Variants in SLC4A10 observed in about 807,000 individuals in gnomAD.
SLC4A10 encodes the protein solute carrier family 4 member 10.
A neutral mutation model predicts 137.7 loss-of-function variants in SLC4A10; 42 were observed. The observed-to-expected ratio is 0.30, with a 90% CI of 0.24 to 0.39. The LOEUF (loss-of-function observed/expected upper bound fraction) is 0.39, where lower values mean the gene tolerates loss of function less well. SLC4A10 is among the 10% of genes least tolerant of loss of function. The pLI is 1.00. For synonymous variants in SLC4A10, 474 were observed against 464.1 expected (o/e 1.02, Z -0.27); for missense variants, 925 against 1,355.0 (o/e 0.68, Z 4.98).
intron 1 of SLC4A10, among the ~76,000 whole-genome samples, chr2:161,660,556 ATTTCTTTCTTTC>A (rs574482342): frequency 0.043 from 4,702 of 110,324 alleles, 88 homozygotes; most frequent in Admixed American, 0.056. Context: ...ACTCATCTAT[ATTTCTTTCTTTC>A]TTTCTTTCTT....
At chr2:161,714,503 G>C (rs1424890003) in intron 1 of SLC4A10, among the ~76,000 whole-genome samples, 1 of 151,920 alleles carries the variant, frequency 6.6e-6, no homozygotes, top group Non-Finnish European at 1.5e-5. Context: ...ATTCCTCCAT[G>C]AAACTACTCT....
chr2:161,762,155 A>G (rs1574829537), intron 1 of SLC4A10, among the ~76,000 whole-genome samples: 2 of 152,130 alleles, frequency 1.3e-5, no homozygotes, highest in Admixed American at 6.6e-5. Context: ...GATTTATTGG[A>G]CTAACTTAGA....
At chr2:161,887,857 T>A (rs1437835394) in intron 10 of SLC4A10, among the ~76,000 whole-genome samples, 1 of 152,230 alleles carries the variant, frequency 6.6e-6, no homozygotes, top group African/African-American at 2.4e-5. Flanking sequence ...GCTTTTGGTG[T>A]TTTAGTCATG....
At chr2:161,918,928 A>T (rs1232935760) in intron 15 of SLC4A10, among the ~76,000 whole-genome samples, 1 of 152,190 alleles carries the variant, frequency 6.6e-6, no homozygotes, top group East Asian at 1.9e-4. Context: ...GTGCAACTGC[A>T]GCTGCCCAGC....
At chr2:161,769,647 C>A (rs1487276005) in intron 1 of SLC4A10, among the ~76,000 whole-genome samples, 1 of 151,864 alleles carries the variant, frequency 6.6e-6, no homozygotes, top group African/African-American at 2.4e-5. Flanking sequence ...AATTTTGCAT[C>A]ATTTTTAAAA....
chr2:161,705,409 A>G (rs2043549791), intron 1 of SLC4A10, among the ~76,000 whole-genome samples: 1 of 151,554 alleles, frequency 6.6e-6, no homozygotes, highest in Non-Finnish European at 1.5e-5. Context: ...AATGAGTAGT[A>G]ATTATTATAA....
chr2:161,718,461 C>T (rs1394100159), intron 1 of SLC4A10, among the ~76,000 whole-genome samples: 1 of 152,172 alleles, frequency 6.6e-6, no homozygotes, highest in African/African-American at 2.4e-5. Flanking sequence ...TCCCTCTTAA[C>T]ACTGCTTTAG....
At chr2:161,956,928 G>T (rs1695774728) in intron 19 of SLC4A10, 61 bp from the exon 20 acceptor site, 1 of 1,485,540 alleles carries the variant, frequency 6.7e-7, no homozygotes, top group Non-Finnish European at 8.9e-7. Flanking sequence ...TTCGCAATCA[G>T]GCCACCCTTA....
At chr2:161,936,340 G>A (rs888408489) in intron 15 of SLC4A10, among the ~76,000 whole-genome samples, 1 of 152,058 alleles carries the variant, frequency 6.6e-6, no homozygotes, top group African/African-American at 2.4e-5. Context: ...TTTTGAAAGA[G>A]TTTCAGAGGA....
At chr2:161,703,754 C>A (rs909484697) in intron 1 of SLC4A10, among the ~76,000 whole-genome samples, 1 of 151,772 alleles carries the variant, frequency 6.6e-6, no homozygotes, top group East Asian at 1.9e-4. Flanking sequence ...TTGCTGCAGT[C>A]ATTTGTATAT....
chr2:161,963,276 A>T (rs1376045699), intron 21 of SLC4A10, among the ~76,000 whole-genome samples: 1 of 152,164 alleles, frequency 6.6e-6, no homozygotes, highest in East Asian at 1.9e-4. Flanking sequence ...GTAACATAAT[A>T]GTATGAAGTA....
chr2:161,776,030 A>G (rs998579021), intron 2 of SLC4A10, among the ~76,000 whole-genome samples: 5 of 151,882 alleles, frequency 3.3e-5, no homozygotes, highest in Non-Finnish European at 5.9e-5. Context: ...AAATATTTTT[A>G]TGTAGATCAA....
At chr2:161,799,721 AG>A (rs2055173745) in intron 2 of SLC4A10, among the ~76,000 whole-genome samples, 1 of 151,956 alleles carries the variant, frequency 6.6e-6, no homozygotes, top group South Asian at 2.1e-4. Context: ...ATCTATTAGT[AG>A]GTCTTTAATA....
intron 4 of SLC4A10, among the ~76,000 whole-genome samples, chr2:161,844,387 C>G (rs1489416596): frequency 6.6e-6 from 1 of 152,062 alleles, no homozygotes; most frequent in Non-Finnish European, 1.5e-5. Context: ...TCTATAAACA[C>G]TAGGTTTGGA....
At chr2:161,668,813 T>A (rs2039377839) in intron 1 of SLC4A10, among the ~76,000 whole-genome samples, 1 of 151,932 alleles carries the variant, frequency 6.6e-6, no homozygotes, top group African/African-American at 2.4e-5. Flanking sequence ...TCTAAATGGA[T>A]TAATTTATCT....
At chr2:161,730,487 C>T (rs1339265592) in intron 1 of SLC4A10, among the ~76,000 whole-genome samples, 2 of 152,060 alleles carry the variant, frequency 1.3e-5, no homozygotes. Flanking sequence ...ATCTATCAAC[C>T]ATCATCATTA....
intron 9 of SLC4A10, among the ~76,000 whole-genome samples, chr2:161,880,589 T>A (rs959572523): frequency 6.6e-6 from 1 of 152,108 alleles, no homozygotes; most frequent in Non-Finnish European, 1.5e-5. Flanking sequence ...CATCAACTTT[T>A]ATGTACAAAG....
At chr2:161,974,162 T>A in intron 23 of SLC4A10, 87 bp from the exon 24 acceptor site, 22 of 1,108,618 alleles carry the variant, frequency 2.0e-5, no homozygotes, top group Non-Finnish European at 2.3e-5. Context: ...GTTAATGAGA[T>A]AATGAAACAT....
chr2:161,960,504 G>A (rs775349766), intron 21 of SLC4A10, among the ~76,000 whole-genome samples: 4 of 151,830 alleles, frequency 2.6e-5, no homozygotes, highest in African/African-American at 9.7e-5. Context: ...TGGATCACCT[G>A]AGGTCAGGAG....
Sources: gnomAD v4.1 joint callset for allele counts (sites outside exome capture counted in the v4.1 genomes callset) on GRCh38, gnomAD v4.1.1 for gene constraint, MANE v1.5 for transcripts, NCBI Gene and HGNC (gene_info 2026-07-23, HGNC 2026-07-21) for gene names.